NKAIN3: variants seen among roughly 807,000 people sequenced by gnomAD.
The protein encoded by NKAIN3 is sodium/potassium transporting ATPase interacting 3, also known as sodium/potassium-transporting ATPase subunit beta-1-interacting protein 3.
NKAIN3 carries 25 observed loss-of-function variants against 30.2 expected under a neutral mutation model. The ratio of observed to expected loss-of-function variants is 0.83; its 90% CI spans 0.60 to 1.16. NKAIN3 has a LOEUF of 1.16. Among genes scored for constraint, NKAIN3 ranks in the 50% most tolerant of loss-of-function variants. The probability of loss-of-function intolerance (pLI) is 0.00; values close to 1 mark genes in which losing one functional copy is unlikely to be tolerated. For synonymous variants in NKAIN3, 91 were observed against 89.6 expected (o/e 1.02, Z -0.09); for missense variants, 225 against 254.1 (o/e 0.89, Z 0.78).
chr8:62,541,404 A>C (rs951125858), intron 1 of NKAIN3, among the ~76,000 whole-genome samples: 10 of 152,174 alleles, frequency 6.6e-5, no homozygotes, highest in Non-Finnish European at 1.5e-4. Flanking sequence ...CCTGTAGAAC[A>C]TCTCCTTCCT....
At chr8:62,409,978 T>C (rs1003158668) in intron 1 of NKAIN3, among the ~76,000 whole-genome samples, 2 of 152,134 alleles carry the variant, frequency 1.3e-5, no homozygotes, top group African/African-American at 4.8e-5. Flanking sequence ...TTTAATGAGT[T>C]TTTATTTTTT....
intron 4 of NKAIN3, among the ~76,000 whole-genome samples, chr8:62,841,366 A>G (rs1355041617): frequency 6.6e-6 from 1 of 152,014 alleles, no homozygotes; most frequent in African/African-American, 2.4e-5. Flanking sequence ...TACACAGTAC[A>G]TTATTATTGG....
intron 4 of NKAIN3, among the ~76,000 whole-genome samples, chr8:62,913,889 TTGG>T (rs1373037802): frequency 6.6e-6 from 1 of 152,186 alleles, no homozygotes; most frequent in African/African-American, 2.4e-5. Context: ...TTATACACTT[TTGG>T]TGGGAGAGTA....
rs143986378 is a variant in NKAIN3 at position 62,308,887 on chromosome 8, C to T, written c.54+59760C>T. 1.9e-3 allele frequency among the ~76,000 whole-genome samples: 290 copies of T among 150,342 alleles called. 24 individuals are homozygous for T. The Middle Eastern group carries it at 0.031, about 16-fold the overall frequency. On this transcript the variant is annotated intron_variant, in intron 1 of 6. Transcript: ENST00000623646. ...GCTGCCTGTACAACTCATTGACCAA[C>T]GGGAGATCTACCTTCATAATAAAAT...
intron 5 of NKAIN3, among the ~76,000 whole-genome samples, chr8:62,997,752 C>G (rs1389887186): frequency 8.9e-6 from 1 of 112,706 alleles, no homozygotes; most frequent in Admixed American, 9.7e-5. Flanking sequence ...GAGCTCTTTT[C>G]TTTAAAAAAA....
At chr8:62,732,338 T>C (rs1204019835) in intron 3 of NKAIN3, among the ~76,000 whole-genome samples, 2 of 152,084 alleles carry the variant, frequency 1.3e-5, no homozygotes, top group Non-Finnish European at 2.9e-5. Context: ...CTCATTTTTC[T>C]TTTTGATTTC....
intron 4 of NKAIN3, among the ~76,000 whole-genome samples, chr8:62,801,395 C>G (rs1818058319): frequency 2.0e-5 from 3 of 152,206 alleles, no homozygotes; most frequent in Admixed American, 2.0e-4. Flanking sequence ...ACACCTCACA[C>G]AGCCAGGTAC....
At chr8:62,418,190 G>A (rs1357031391) in intron 1 of NKAIN3, among the ~76,000 whole-genome samples, 1 of 152,024 alleles carries the variant, frequency 6.6e-6, no homozygotes, top group African/African-American at 2.4e-5. Context: ...CCCATAAGTG[G>A]GGAGTAAAGG....
chr8:62,464,821 T>A (rs1201485180), intron 1 of NKAIN3, among the ~76,000 whole-genome samples: 2 of 152,210 alleles, frequency 1.3e-5, no homozygotes, highest in African/African-American at 4.8e-5. Flanking sequence ...CATTCAATTA[T>A]TTGCACTTTG....
At chr8:62,783,814 T>C (rs1241535170) in intron 4 of NKAIN3, among the ~76,000 whole-genome samples, 2 of 151,944 alleles carry the variant, frequency 1.3e-5, no homozygotes, top group Non-Finnish European at 2.9e-5. Flanking sequence ...TGTGGAGACC[T>C]GTATTTTGTT....
At chr8:62,707,708 A>G (rs556064565) in intron 3 of NKAIN3, among the ~76,000 whole-genome samples, 2 of 152,120 alleles carry the variant, frequency 1.3e-5, no homozygotes, top group Admixed American at 6.6e-5. Flanking sequence ...TCCTTTTGCT[A>G]TGCAAAAGAT....
chr8:62,432,602 G>A (rs1296926375), intron 1 of NKAIN3, among the ~76,000 whole-genome samples: 1 of 152,012 alleles, frequency 6.6e-6, no homozygotes, highest in African/African-American at 2.4e-5. Context: ...TCTTTCCTGA[G>A]CCTGTATCAG....
intron 5 of NKAIN3, among the ~76,000 whole-genome samples, chr8:62,942,225 C>CATAT (rs200450874): frequency 0.013 from 648 of 51,700 alleles, 14 homozygotes; most frequent in African/African-American, 0.048. Flanking sequence ...CATATATATA[C>CATAT]ATATATATAC....
rs1476632244 is a variant in NKAIN3 at position 62,686,029 on chromosome 8, G to A, written c.274-60903G>A. ...TCAGATGCCATTCAGATCTCCTTTC[G>A]AGAGAAATCTGCATTGAAGAAGTCA... On this transcript the variant is annotated intron_variant, in intron 3 of 6. Coordinates refer to ENST00000623646, the MANE Select transcript of NKAIN3 (RefSeq NM_001304533.3). Among the ~76,000 whole-genome samples the A allele has an allele frequency of 3.9e-5, 6 of 151,970 alleles. No individual in the cohort carries two copies. In the East Asian group the frequency reaches 9.6e-4, roughly 24 times the overall value.
chr8:62,251,509 G>A (rs1160185599), intron 1 of NKAIN3, among the ~76,000 whole-genome samples: 1 of 152,016 alleles, frequency 6.6e-6, no homozygotes, highest in Non-Finnish European at 1.5e-5. Context: ...TATGCTTTAA[G>A]AAAAAAGAGG....
intron 1 of NKAIN3, chr8:62,483,758 C>T (rs563891965): frequency 1.4e-5 from 4 of 289,224 alleles, no homozygotes; most frequent in East Asian, 1.1e-4. Context: ...GCTTTCATTC[C>T]GCATTTGCAG....
At chr8:62,467,701 A>G (rs1346279556) in intron 1 of NKAIN3, among the ~76,000 whole-genome samples, 1 of 152,174 alleles carries the variant, frequency 6.6e-6, no homozygotes, top group Non-Finnish European at 1.5e-5. Context: ...GAGAGTAACC[A>G]TGATGCTCAA....
chr8:62,968,004 G>T lies in NKAIN3; in HGVS notation c.*2597G>T, dbSNP rs1275882022. ...TCAATGTAGGCAACTATTTAATATGGTGTATATGTTTTCATTTTTAATCTT... is the reference window on the plus strand; with the variant it reads ...TCAATGTAGGCAACTATTTAATATGTTGTATATGTTTTCATTTTTAATCTT... On this transcript the variant is annotated 3_prime_UTR_variant, in exon 7 of 7. Coordinates refer to ENST00000623646, the MANE Select transcript of NKAIN3 (RefSeq NM_001304533.3). Among the ~76,000 whole-genome samples the T allele has an allele frequency of 1.3e-5, 2 of 152,166 alleles. No homozygotes were observed. Among genetic ancestry groups the T allele is most frequent in the Non-Finnish European group, 2.9e-5 (2 of 68,026 alleles).
At chr8:62,518,939 C>T (rs921762325) in intron 1 of NKAIN3, among the ~76,000 whole-genome samples, 14 of 152,124 alleles carry the variant, frequency 9.2e-5, no homozygotes, top group African/African-American at 2.7e-4. Flanking sequence ...ATTTACTAGG[C>T]AATCTCTCAG....
Sources: gnomAD v4.1 joint callset for allele counts (sites outside exome capture counted in the v4.1 genomes callset) on GRCh38, gnomAD v4.1.1 for gene constraint, MANE v1.5 for transcripts, NCBI Gene and HGNC (gene_info 2026-07-23, HGNC 2026-07-21) for gene names.